The following ERI3 variants were observed in gnomAD, a reference collection of about 807,000 sequenced individuals.
ERI3 encodes the protein ERI1 exoribonuclease family member 3, also known as ERI1 exoribonuclease 3.
ERI3 carries 18 observed loss-of-function variants against 44.4 expected under a neutral mutation model. The ratio of observed to expected loss-of-function variants is 0.41; its 90% CI spans 0.28 to 0.60. ERI3 has a LOEUF of 0.60. Among genes scored for constraint, ERI3 ranks in the 20% least tolerant of loss-of-function variants. ERI3 has a pLI of 0.36. For synonymous variants in ERI3, 183 were observed against 164.8 expected, an observed-to-expected ratio of 1.11 and a Z score of -0.84; for missense variants, 294 against 435.5, an observed-to-expected ratio of 0.68 and a Z score of 2.89.
chr1:44,257,448 T>C (rs891269264), intron 7 of ERI3, among the ~76,000 whole-genome samples: 2 of 152,074 alleles, frequency 1.3e-5, no homozygotes, highest in African/African-American at 4.8e-5. Flanking sequence ...CATCCAGGGC[T>C]GGCAGAGACA....
At chr1:44,302,672 A>G (rs1293186012) in intron 6 of ERI3, among the ~76,000 whole-genome samples, 1 of 152,196 alleles carries the variant, frequency 6.6e-6, no homozygotes, top group East Asian at 1.9e-4. Flanking sequence ...CCACACCTCT[A>G]CCGATATCAA....
At chr1:44,339,466 C>A (rs1029937256) in intron 2 of ERI3, 144 bp from the exon 3 acceptor site, 2 of 856,546 alleles carry the variant, frequency 2.3e-6, no homozygotes, top group Non-Finnish European at 3.3e-6. Flanking sequence ...GGGCCACTCC[C>A]CAGTGTTTCT....
At chr1:44,323,173 C>A in intron 3 of ERI3, 1 of 242,190 alleles carries the variant, frequency 4.1e-6, no homozygotes, top group Non-Finnish European at 7.9e-6. Flanking sequence ...CAATTCTTTG[C>A]CTTTGTATGC....
At chr1:44,292,234 C>T (rs1645522443) in intron 6 of ERI3, among the ~76,000 whole-genome samples, 1 of 151,804 alleles carries the variant, frequency 6.6e-6, no homozygotes. Flanking sequence ...CAGAACCACT[C>T]CACAGCTGCA....
At chr1:44,248,107 TC>T (rs1029177470) in intron 7 of ERI3, 69 bp from the exon 8 acceptor site, 14 of 1,014,298 alleles carry the variant, frequency 1.4e-5, no homozygotes, top group Middle Eastern at 2.1e-4. Context: ...CACAAGGTCT[TC>T]CCCCCACCCC....
intron 6 of ERI3, among the ~76,000 whole-genome samples, chr1:44,307,392 T>C (rs958489923): frequency 6.6e-6 from 1 of 152,082 alleles, no homozygotes; most frequent in African/African-American, 2.4e-5. Flanking sequence ...TCCCACTTTA[T>C]GCTCAAAAGT....
At position 44,346,084 on chromosome 1, in the gene ERI3, C is replaced by T. The variant is rs1038808659; in HGVS notation, c.212-6762G>A. Among the ~76,000 whole-genome samples, 4 of 152,278 alleles carry T rather than the reference C, an allele frequency of 2.6e-5. 1 individual carries two copies. The Middle Eastern group carries it at 0.01, about 388-fold the overall frequency. ...CTGGAAGCTCCACATGGTCCCAATG[C>T]GGAAAGGAAGCAGGAACTCTAAAAC... On this transcript the variant is annotated intron_variant, in intron 2 of 8. Coordinates refer to ENST00000372257, the MANE Select transcript of ERI3 (RefSeq NM_024066.3).
intron 3 of ERI3, among the ~76,000 whole-genome samples, chr1:44,330,416 G>A (rs993251728): frequency 1.3e-5 from 2 of 152,190 alleles, no homozygotes; most frequent in Non-Finnish European, 2.9e-5. Flanking sequence ...ACTACATGCA[G>A]GGACAGGACC....
At position 44,235,391 on chromosome 1, in the gene ERI3, G is replaced by A. The variant is rs1323762163; in HGVS notation, c.931+12548C>T. Among the ~76,000 whole-genome samples the A allele has an allele frequency of 6.6e-6, 1 of 151,896 alleles. No individual in the cohort carries two copies. Among genetic ancestry groups the A allele is most frequent in the African/African-American group, 2.4e-5 (1 of 41,312 alleles). ...CCTCTAGGTGCCTTCCCCCCATCCCGCCTTTGTGTTAGGAACCTCTTCTGT... is the reference window on the plus strand; with the variant it reads ...CCTCTAGGTGCCTTCCCCCCATCCCACCTTTGTGTTAGGAACCTCTTCTGT... On this transcript the variant is annotated intron_variant, in intron 8 of 8. Coordinates refer to ENST00000372257, the MANE Select transcript of ERI3 (RefSeq NM_024066.3). The surrounding 1 kb of genome is among the most constrained non-coding windows in gnomAD (Gnocchi z 4.6).
At chr1:44,354,377 G>A (rs1429025414) in intron 1 of ERI3, 3 of 985,388 alleles carry the variant, frequency 3.0e-6, no homozygotes, top group Non-Finnish European at 2.4e-6. Context: ...AGTCAACAAG[G>A]AGCAGTTATA....
chr1:44,278,437 A>G (rs1278326310), intron 7 of ERI3, among the ~76,000 whole-genome samples: 1 of 151,228 alleles, frequency 6.6e-6, no homozygotes, highest in Non-Finnish European at 1.5e-5. Flanking sequence ...AGATCATGCC[A>G]CTGCACTTTA....
intron 4 of ERI3, among the ~76,000 whole-genome samples, chr1:44,316,350 G>A (rs1473564434): frequency 6.6e-6 from 1 of 152,130 alleles, no homozygotes; most frequent in Non-Finnish European, 1.5e-5. Flanking sequence ...CTTTCAATGA[G>A]GGATTACAGA....
At chr1:44,309,942 C>T (rs897293652) in intron 5 of ERI3, among the ~76,000 whole-genome samples, 1 of 152,156 alleles carries the variant, frequency 6.6e-6, no homozygotes, top group Admixed American at 6.5e-5. Flanking sequence ...GATTCCAACC[C>T]TCCAACCCTT....
intron 7 of ERI3, among the ~76,000 whole-genome samples, chr1:44,278,089 G>A (rs1180774282): frequency 1.3e-5 from 2 of 152,018 alleles, no homozygotes; most frequent in African/African-American, 4.8e-5. Flanking sequence ...AGAAAATTAC[G>A]AGACATTTTG....
chr1:44,255,706 G>A (rs1345015816), intron 7 of ERI3, among the ~76,000 whole-genome samples: 2 of 152,078 alleles, frequency 1.3e-5, no homozygotes, highest in East Asian at 1.9e-4. Context: ...TCTTCAAACT[G>A]CTTCTTCTCC....
intron 7 of ERI3, 41 bp from the exon 8 acceptor site, chr1:44,248,079 C>G (rs1190053654): frequency 2.7e-6 from 4 of 1,479,362 alleles, no homozygotes; most frequent in African/African-American, 1.4e-5. Context: ...GGCCCTGACC[C>G]TCTGAACCAA....
At chr1:44,308,916 G>A (rs1192882591) in intron 5 of ERI3, among the ~76,000 whole-genome samples, 2 of 152,140 alleles carry the variant, frequency 1.3e-5, no homozygotes, top group African/African-American at 2.4e-5. Flanking sequence ...CACCTTAAGA[G>A]GCCCCTTTAC....
At chr1:44,323,033 C>A in intron 3 of ERI3, 1 of 950,872 alleles carries the variant, frequency 1.1e-6, no homozygotes, top group Non-Finnish European at 1.4e-6. Context: ...CCTTTTCTCT[C>A]AGCCAATTTC....
intron 7 of ERI3, among the ~76,000 whole-genome samples, chr1:44,268,108 T>A (rs1645024022): frequency 6.6e-6 from 1 of 152,222 alleles, no homozygotes; most frequent in Non-Finnish European, 1.5e-5. Flanking sequence ...AGATGATTCA[T>A]ACACACCCTA....
Sources: gnomAD v4.1 joint callset for allele counts (sites outside exome capture counted in the v4.1 genomes callset) on GRCh38, gnomAD v4.1.1 for gene constraint, Gnocchi (gnomAD v3.1) non-coding constraint, MANE v1.5 for transcripts, NCBI Gene and HGNC (gene_info 2026-07-23, HGNC 2026-07-21) for gene names.